The following CUL1 variants were observed in gnomAD, a reference collection of about 807,000 sequenced individuals.
CUL1 encodes the protein cullin 1.
Under a neutral mutation model 118.0 loss-of-function variants are expected in CUL1, and 24 were observed. That is an observed-to-expected ratio of 0.20 (90% CI 0.15 to 0.29). CUL1 has a LOEUF of 0.29. CUL1 is among the 10% of genes least tolerant of loss of function. CUL1 has a pLI of 1.00. For synonymous variants in CUL1, 332 were observed against 340.4 expected, an observed-to-expected ratio of 0.98 and a Z score of 0.27; for missense variants, 361 against 933.8, an observed-to-expected ratio of 0.39 and a Z score of 7.99.
intron 4 of CUL1, among the ~76,000 whole-genome samples, chr7:148,758,680 C>T (rs1799738557): frequency 6.6e-6 from 1 of 152,168 alleles, no homozygotes; most frequent in Non-Finnish European, 1.5e-5. Flanking sequence ...CTGTATAGCT[C>T]CAGTTTCTAT....
rs1038876359 is a variant in CUL1 at position 148,752,991 on chromosome 7, G to A, written c.141-985G>A. On this transcript the variant is annotated intron_variant, in intron 2 of 21. Coordinates refer to ENST00000325222, the MANE Select transcript of CUL1 (RefSeq NM_003592.3). The stretch of plus-strand genomic sequence containing the variant: ...TGTGTGATCTTACTTAGAAAGGGCC[G>A]CTCCAGCCTGAGAACAGATAAGCGT... 9.9e-5 allele frequency among the ~76,000 whole-genome samples: 15 copies of A among 152,128 alleles called. 1 individual carries two copies. The highest frequency in any genetic ancestry group is 6.2e-4 in the South Asian group (3 of 4,824).
intron 2 of CUL1, among the ~76,000 whole-genome samples, chr7:148,748,680 A>G (rs1799381205): frequency 6.6e-6 from 1 of 152,232 alleles, no homozygotes; most frequent in African/African-American, 2.4e-5. Flanking sequence ...TCCAATAGTT[A>G]GAGATGGGCA....
chr7:148,737,529 G>A (rs1319657338), intron 2 of CUL1, among the ~76,000 whole-genome samples: 1 of 150,212 alleles, frequency 6.7e-6, no homozygotes, highest in African/African-American at 2.4e-5. Context: ...AATGTTTGAA[G>A]ATAGGAAGTA....
chr7:148,751,083 G>A (rs913486111), intron 2 of CUL1, among the ~76,000 whole-genome samples: 3 of 152,020 alleles, frequency 2.0e-5, no homozygotes, highest in African/African-American at 4.8e-5. Flanking sequence ...GGTTGTGGTC[G>A]ATGAAAACTC....
At chr7:148,793,333 TAA>T (rs1157290475) in intron 17 of CUL1, among the ~76,000 whole-genome samples, 5 of 152,200 alleles carry the variant, frequency 3.3e-5, no homozygotes, top group African/African-American at 1.2e-4. Context: ...TGACATAACA[TAA>T]AAGTCATTTT....
intron 1 of CUL1, among the ~76,000 whole-genome samples, chr7:148,728,723 A>G (rs1330153952): frequency 1.3e-5 from 2 of 152,172 alleles, no homozygotes; most frequent in African/African-American, 2.4e-5. Context: ...AAATATTAAG[A>G]CCCATAGCCC....
chr7:148,724,731 C>A (rs569876910), intron 1 of CUL1, among the ~76,000 whole-genome samples: 2 of 152,236 alleles, frequency 1.3e-5, no homozygotes, highest in African/African-American at 4.8e-5. Flanking sequence ...GCAGGGTACA[C>A]GCCCGAAACG....
intron 2 of CUL1, among the ~76,000 whole-genome samples, chr7:148,734,064 G>T (rs1193465888): frequency 6.6e-6 from 1 of 151,790 alleles, no homozygotes; most frequent in Non-Finnish European, 1.5e-5. Flanking sequence ...AATGACCAGA[G>T]CATCTGCAGA....
At chr7:148,750,215 T>C (rs1464244216) in intron 2 of CUL1, among the ~76,000 whole-genome samples, 1 of 151,892 alleles carries the variant, frequency 6.6e-6, no homozygotes, top group Non-Finnish European at 1.5e-5. Context: ...CTAGGATCAT[T>C]GATGAAGGTG....
chr7:148,788,481 G>T (rs1800894266), intron 13 of CUL1, 76 bp from the exon 14 acceptor site: 1 of 920,260 alleles, frequency 1.1e-6, no homozygotes, highest in South Asian at 1.5e-5. Context: ...TGTATACTCT[G>T]ATTTCTCTAA....
intron 1 of CUL1, among the ~76,000 whole-genome samples, chr7:148,699,804 C>T (rs1203419332): frequency 2.0e-5 from 3 of 152,084 alleles, no homozygotes; most frequent in Non-Finnish European, 4.4e-5. Flanking sequence ...TGCGCTGCGG[C>T]CTCGGCGCGC....
chr7:148,798,540 A>G (rs760493255), intron 19 of CUL1, 32 bp from the exon 20 acceptor site: 52 of 1,515,676 alleles, frequency 3.4e-5, no homozygotes, highest in Non-Finnish European at 4.6e-5. Context: ...TTTTAATATA[A>G]TAGTGATCGG....
intron 11 of CUL1, among the ~76,000 whole-genome samples, chr7:148,784,323 G>C (rs1800750166): frequency 6.6e-6 from 1 of 152,154 alleles, no homozygotes; most frequent in Admixed American, 6.5e-5. Context: ...GCACTAACCA[G>C]GCCCCACCCT....
intron 13 of CUL1, among the ~76,000 whole-genome samples, 193 bp from the exon 14 acceptor site, chr7:148,788,364 T>C (rs1350387445): frequency 6.6e-6 from 1 of 152,218 alleles, no homozygotes; most frequent in East Asian, 1.9e-4. Context: ...CATAGAGTTG[T>C]GGGGTTTTTT....
intron 9 of CUL1, among the ~76,000 whole-genome samples, chr7:148,778,901 G>A (rs543062268): frequency 7.4e-4 from 113 of 152,264 alleles, no homozygotes; most frequent in African/African-American, 2.3e-3. Context: ...TGCTCCCCTC[G>A]AGCCTGTAGC....
intron 2 of CUL1, among the ~76,000 whole-genome samples, chr7:148,737,568 A>ATT (rs1476843200): frequency 7.0e-6 from 1 of 142,288 alleles, no homozygotes; most frequent in Non-Finnish European, 1.5e-5. Context: ...GTATATATAT[A>ATT]TATTTTTATA....
intron 2 of CUL1, 96 bp downstream of exon 2, chr7:148,730,358 C>T: frequency 3.0e-6 from 4 of 1,313,190 alleles, no homozygotes; most frequent in East Asian, 5.1e-5. Context: ...TTTTCTCCTC[C>T]CAGTTCATCA....
At chr7:148,706,677 T>TGGGGGCGGCG (rs973345984) in intron 1 of CUL1, among the ~76,000 whole-genome samples, 2 of 8,548 alleles carry the variant, frequency 2.3e-4, no homozygotes, top group Non-Finnish European at 5.0e-4. Context: ...GTGTTGGGGG[T>TGGGGGCGGCG]GGGGGCGGCG....
intron 7 of CUL1, among the ~76,000 whole-genome samples, chr7:148,766,287 A>G (rs1800002085): frequency 6.6e-6 from 1 of 151,662 alleles, no homozygotes; most frequent in Non-Finnish European, 1.5e-5. Context: ...GGCGCGTGCC[A>G]CACCTGGCTA....
Sources: gnomAD v4.1 joint callset for allele counts (sites outside exome capture counted in the v4.1 genomes callset) on GRCh38, gnomAD v4.1.1 for gene constraint, MANE v1.5 for transcripts, NCBI Gene and HGNC (gene_info 2026-07-23, HGNC 2026-07-21) for gene names.